The following TXNRD1 variants were observed in gnomAD, a reference collection of about 807,000 sequenced individuals.
TXNRD1 encodes thioredoxin reductase 1, cytoplasmic.
TXNRD1 carries 57 observed loss-of-function variants against 80.3 expected under a neutral mutation model. That is an observed-to-expected ratio of 0.71 (90% CI 0.57 to 0.89). TXNRD1 has a LOEUF of 0.89. TXNRD1 is among the 40% of genes least tolerant of loss of function. The probability of loss-of-function intolerance (pLI) is 0.00; values close to 1 mark genes in which losing one functional copy is unlikely to be tolerated. For missense variants in TXNRD1, 730 were observed against 803.0 expected (o/e 0.91, Z 1.10); for synonymous variants, 291 against 285.2 (o/e 1.02, Z -0.20).
intron 3 of TXNRD1, among the ~76,000 whole-genome samples, chr12:104,281,870 G>T (rs370252143): frequency 1.3e-5 from 2 of 152,100 alleles, no homozygotes; most frequent in South Asian, 4.1e-4. Context: ...TGATGGATGT[G>T]ACCCCTGGCT....
intron 4 of TXNRD1, among the ~76,000 whole-genome samples, chr12:104,302,635 G>A (rs943159452): frequency 2.0e-5 from 3 of 152,092 alleles, no homozygotes; most frequent in Admixed American, 1.3e-4. Flanking sequence ...GACTATAGGC[G>A]CCTGCCACCG....
intron 4 of TXNRD1, chr12:104,291,069 A>G (rs535252952): frequency 1.2e-5 from 8 of 686,098 alleles, no homozygotes; most frequent in Admixed American, 2.1e-5. Context: ...TCGGCCTCCT[A>G]AAGTGCTGGG....
At chr12:104,250,312 A>C (rs2033092191) in intron 1 of TXNRD1, among the ~76,000 whole-genome samples, 1 of 152,240 alleles carries the variant, frequency 6.6e-6, no homozygotes, top group Non-Finnish European at 1.5e-5. Flanking sequence ...TCTTACAAAA[A>C]AAATAAAATC....
intron 13 of TXNRD1, among the ~76,000 whole-genome samples, chr12:104,330,262 A>T (rs1043755240): frequency 6.6e-6 from 1 of 152,218 alleles, no homozygotes; most frequent in African/African-American, 2.4e-5. Context: ...TCTGTGTATA[A>T]GTATAACTGC....
chr12:104,235,530 A>C (rs547318289), intron 1 of TXNRD1, among the ~76,000 whole-genome samples: 41 of 152,368 alleles, frequency 2.7e-4, no homozygotes, highest in African/African-American at 9.4e-4. Context: ...AAGGTTTACC[A>C]GTCGGGCTTT....
chr12:104,305,431 CTT>C (rs1238941064), intron 4 of TXNRD1, among the ~76,000 whole-genome samples: 1 of 152,070 alleles, frequency 6.6e-6, no homozygotes, highest in Non-Finnish European at 1.5e-5. Context: ...GCAAGGAAGA[CTT>C]AGGATTTATG....
At position 104,350,235 on chromosome 12, in the gene TXNRD1, A is replaced by G. The variant is rs1418525130; in HGVS notation, c.*1814A>G. On this transcript the variant is annotated 3_prime_UTR_variant, in exon 17 of 17. Coordinates refer to ENST00000525566, the MANE Select transcript of TXNRD1 (RefSeq NM_001093771.3). ...ATGTATTTTTGTTACAAATCTTCTG[A>G]AAAAAAACAAAACAATGTGAAACAT... 2.7e-5 allele frequency: 4 copies of G among 150,562 alleles called. No homozygotes were observed. Among genetic ancestry groups the G allele is most frequent in the African/African-American group, 4.9e-5 (2 of 40,644 alleles). The allele number at this position is 150,562 out of a possible 1,614,324, so 9.3% of individuals were successfully genotyped here.
intron 6 of TXNRD1, 148 bp downstream of exon 6, chr12:104,313,465 C>A: frequency 3.3e-6 from 2 of 615,082 alleles, no homozygotes; most frequent in East Asian, 3.0e-5. Context: ...TTTATTTGAG[C>A]CAAGTTAAAA....
chr12:104,339,576 G>A, intron 16 of TXNRD1: 2 of 435,266 alleles, frequency 4.6e-6, no homozygotes, highest in South Asian at 2.0e-5. Context: ...TAATGGAAGA[G>A]CTTCAATCTT....
chr12:104,297,336 A>G (rs1189615412), intron 4 of TXNRD1, among the ~76,000 whole-genome samples: 1 of 150,990 alleles, frequency 6.6e-6, no homozygotes, highest in African/African-American at 2.4e-5. Flanking sequence ...ATATACAAAC[A>G]CTTGTTGACA....
At chr12:104,259,647 A>G (rs978651418) in intron 3 of TXNRD1, among the ~76,000 whole-genome samples, 4 of 151,722 alleles carry the variant, frequency 2.6e-5, no homozygotes, top group Admixed American at 2.0e-4. Context: ...ATGCACCACT[A>G]CGCCTGGCTA....
chr12:104,323,507 C>T (rs866582487), intron 10 of TXNRD1, among the ~76,000 whole-genome samples: 9 of 141,644 alleles, frequency 6.4e-5, no homozygotes, highest in Admixed American at 1.4e-4. Flanking sequence ...ACCTCCCGGA[C>T]GGGGCGGCTG....
intron 3 of TXNRD1, chr12:104,286,830 GC>G: frequency 9.5e-7 from 1 of 1,057,828 alleles, no homozygotes; most frequent in Non-Finnish European, 1.1e-6. Flanking sequence ...GTTGGGGGCG[GC>G]TATGAGCAGG....
At chr12:104,305,055 C>A in intron 4 of TXNRD1, 7 of 1,086,842 alleles carry the variant, frequency 6.4e-6, no homozygotes, top group Non-Finnish European at 9.0e-6. Context: ...TCAAGAACAT[C>A]AGACATTGTT....
intron 6 of TXNRD1, among the ~76,000 whole-genome samples, chr12:104,313,826 A>G (rs1026767306): frequency 1.6e-4 from 24 of 152,240 alleles, no homozygotes; most frequent in African/African-American, 5.8e-4. Context: ...TTATATTCTA[A>G]GTGGGGAGAC....
intron 1 of TXNRD1, among the ~76,000 whole-genome samples, chr12:104,246,868 T>C (rs960976159): frequency 6.6e-6 from 1 of 152,132 alleles, no homozygotes; most frequent in African/African-American, 2.4e-5. Flanking sequence ...TTTGTCTCTT[T>C]CTGGTCTATC....
chr12:104,225,311 A>G (rs2032447066), intron 1 of TXNRD1, among the ~76,000 whole-genome samples: 1 of 152,248 alleles, frequency 6.6e-6, no homozygotes, highest in African/African-American at 2.4e-5. Context: ...ACAAGCATAC[A>G]ACTATTAAGT....
chr12:104,303,446 C>T (rs2135783321), intron 4 of TXNRD1, among the ~76,000 whole-genome samples: 1 of 152,242 alleles, frequency 6.6e-6, no homozygotes, highest in South Asian at 2.1e-4. Flanking sequence ...TGGCAGCGAG[C>T]GTTTTAAAGC....
intron 3 of TXNRD1, among the ~76,000 whole-genome samples, chr12:104,262,847 C>T (rs556560631): frequency 6.6e-6 from 1 of 151,588 alleles, no homozygotes; most frequent in Non-Finnish European, 1.5e-5. Context: ...CTGTGTACTG[C>T]CTAACTGGAT....
Sources: allele counts gnomAD v4.1 joint callset (sites outside exome capture counted in the v4.1 genomes callset), GRCh38; gene constraint gnomAD v4.1.1; transcripts MANE v1.5; gene names NCBI Gene and HGNC (gene_info 2026-07-23, HGNC 2026-07-21).